DCC: variants seen among roughly 807,000 people sequenced by gnomAD.
The protein encoded by DCC is netrin receptor DCC.
A neutral mutation model predicts 172.5 loss-of-function variants in DCC; 58 were observed. The ratio of observed to expected loss-of-function variants is 0.34; its 90% confidence interval spans 0.27 to 0.42. DCC has a LOEUF of 0.42. DCC is among the 10% of genes least tolerant of loss of function. DCC has a pLI of 1.00. For synonymous variants in DCC, 709 were observed against 644.5 expected (o/e 1.10, Z -1.52); for missense variants, 1,740 against 1,791.0 (o/e 0.97, Z 0.51).
intron 1 of DCC, among the ~76,000 whole-genome samples, chr18:52,589,299 C>CA (rs1445168384): frequency 3.3e-5 from 5 of 151,962 alleles, no homozygotes; most frequent in African/African-American, 1.2e-4. Context: ...TTCTGCTAAG[C>CA]AAAAAAGAAA....
intron 27 of DCC, among the ~76,000 whole-genome samples, chr18:53,508,667 G>A (rs918088595): frequency 6.6e-6 from 1 of 152,180 alleles, no homozygotes; most frequent in Non-Finnish European, 1.5e-5. Flanking sequence ...ACATGCCTGA[G>A]CTGACACATT....
intron 2 of DCC, among the ~76,000 whole-genome samples, chr18:52,876,190 A>T (rs1191938556): frequency 6.6e-6 from 1 of 152,212 alleles, no homozygotes; most frequent in East Asian, 1.9e-4. Context: ...TCATAAATAC[A>T]AATGTCACTA....
intron 5 of DCC, among the ~76,000 whole-genome samples, chr18:53,006,675 G>A (rs1337375931): frequency 1.3e-5 from 2 of 152,140 alleles, no homozygotes; most frequent in Non-Finnish European, 2.9e-5. Context: ...TATATAATGA[G>A]GTTGGTCATT....
chr18:52,475,205 G>A (rs961119263), intron 1 of DCC, among the ~76,000 whole-genome samples: 3 of 152,104 alleles, frequency 2.0e-5, no homozygotes, highest in African/African-American at 4.8e-5. Context: ...ACTTTATGGG[G>A]ATTTTTAAAG....
chr18:53,530,614 C>A lies in DCC; in HGVS notation c.4305C>A (p.Leu1435=). Residue 1435 remains leucine (L), a synonymous_variant, in exon 29 of 29, where the codon CTC becomes CTA. Coordinates refer to ENST00000442544, the MANE Select transcript of DCC (RefSeq NM_005215.4). The part of the protein sequence containing the change: ...LSEQMASLEG[L]MKQLNAITGS... ...AACAAATGGCAAGTTTGGAAGGACT[C>A]ATGAAGCAGCTTAATGCCATCACAG... The A allele has an allele frequency of 6.2e-7, 1 of 1,604,622 alleles. No individual in the cohort carries two copies. The highest frequency in any genetic ancestry group is 8.5e-7 in the Non-Finnish European group (1 of 1,171,336).
intron 25 of DCC, among the ~76,000 whole-genome samples, chr18:53,483,630 G>A (rs1234548136): frequency 6.6e-6 from 1 of 151,744 alleles, no homozygotes; most frequent in African/African-American, 2.4e-5. Context: ...TTTTATGTTT[G>A]TGGGTCTTTT....
Position 53,450,575 on chromosome 18 carries a change from T to C in DCC, c.3305T>C (p.Ile1102Thr), listed in dbSNP as rs746899990. 2.5e-6 allele frequency: 4 copies of C among 1,613,994 alleles called. No homozygotes were observed. In the South Asian group the frequency reaches 3.3e-5, roughly 13 times the overall value. Residue 1102 changes from isoleucine to threonine, a missense_variant, in exon 23 of 29, where the codon ATT becomes ACT. By Grantham distance (89) the Ile-to-Thr change is moderately conservative. This residue lies in a region of DCC where 1,732 missense variants were observed against 1,767.4 expected (regional missense o/e 0.98). Transcript: ENST00000442544. ...AAGAACAGCAACCTGCTTGTGATCATTGTGGTCACCGTTGGTGTCATCACA... is the reference window on the plus strand; with the variant it reads ...AAGAACAGCAACCTGCTTGTGATCACTGTGGTCACCGTTGGTGTCATCACA... ...PQKNSNLLVI[I>T]VVTVGVITVL...
At chr18:53,145,265 C>T (rs1030597404) in intron 7 of DCC, among the ~76,000 whole-genome samples, 4 of 152,024 alleles carry the variant, frequency 2.6e-5, no homozygotes, top group Admixed American at 6.6e-5. Context: ...AGTCGCCCGC[C>T]ACCACGCCCC....
At chr18:52,709,569 C>T (rs182096831) in intron 1 of DCC, among the ~76,000 whole-genome samples, 48 of 152,226 alleles carry the variant, frequency 3.2e-4, no homozygotes, top group Admixed American at 3.9e-4. Context: ...TGCTCTTCTT[C>T]GATTTAATTC....
chr18:52,726,918 T>G (rs569468567), intron 1 of DCC, among the ~76,000 whole-genome samples: 1 of 152,204 alleles, frequency 6.6e-6, no homozygotes, highest in African/African-American at 2.4e-5. Flanking sequence ...ATCATCAGTA[T>G]TAATTATAGT....
At chr18:53,068,649 T>A (rs539971014) in intron 7 of DCC, among the ~76,000 whole-genome samples, 2 of 152,064 alleles carry the variant, frequency 1.3e-5, no homozygotes, top group Non-Finnish European at 2.9e-5. Context: ...TGAGCATCCC[T>A]GTACCTGCTC....
chr18:53,073,753 T>C (rs1005243748), intron 7 of DCC, among the ~76,000 whole-genome samples: 5 of 152,092 alleles, frequency 3.3e-5, no homozygotes, highest in Middle Eastern at 3.4e-3. Flanking sequence ...GTATATCATA[T>C]AGCTTGGAAT....
At chr18:52,791,807 G>T (rs2037776830) in intron 2 of DCC, among the ~76,000 whole-genome samples, 1 of 152,064 alleles carries the variant, frequency 6.6e-6, no homozygotes, top group African/African-American at 2.4e-5. Flanking sequence ...CTTAGAGAAT[G>T]GTTCCAGTTA....
At chr18:52,992,869 A>G (rs1284888394) in intron 5 of DCC, among the ~76,000 whole-genome samples, 1 of 151,816 alleles carries the variant, frequency 6.6e-6, no homozygotes, top group Non-Finnish European at 1.5e-5. Flanking sequence ...TCCCAGCTAC[A>G]TCGGGAGGCT....
chr18:52,878,721 C>G (rs944416734), intron 2 of DCC, among the ~76,000 whole-genome samples: 2 of 152,148 alleles, frequency 1.3e-5, no homozygotes, highest in Non-Finnish European at 2.9e-5. Context: ...GGACGGGTCA[C>G]TTGTGTCTCT....
intron 7 of DCC, among the ~76,000 whole-genome samples, chr18:53,077,541 C>T (rs528217154): frequency 6.6e-6 from 1 of 152,218 alleles, no homozygotes; most frequent in South Asian, 2.1e-4. Context: ...TGATGATGGT[C>T]CTGTCTGACC....
intron 21 of DCC, among the ~76,000 whole-genome samples, chr18:53,417,727 T>G (rs1910401312): frequency 6.6e-6 from 1 of 152,170 alleles, no homozygotes; most frequent in Admixed American, 6.6e-5. Context: ...TATTAGTCAC[T>G]TAGTTGACAA....
chr18:53,413,474 A>G (rs1910109770), intron 20 of DCC, among the ~76,000 whole-genome samples: 1 of 152,208 alleles, frequency 6.6e-6, no homozygotes, highest in East Asian at 1.9e-4. Flanking sequence ...ATGAGAATCC[A>G]TATGGTCCCT....
chr18:53,513,170 G>T (rs1274639184), intron 27 of DCC, among the ~76,000 whole-genome samples: 1 of 151,854 alleles, frequency 6.6e-6, no homozygotes, highest in African/African-American at 2.4e-5. Flanking sequence ...CATTCTTAAA[G>T]AAAAGAATTT....
Sources: allele counts gnomAD v4.1 joint callset (sites outside exome capture counted in the v4.1 genomes callset), GRCh38; gene constraint gnomAD v4.1.1; regional missense constraint gnomAD v4.1.1; transcripts MANE v1.5; gene names NCBI Gene and HGNC (gene_info 2026-07-23, HGNC 2026-07-21).